Variants in POC1A observed in about 807,000 individuals in gnomAD.
POC1A encodes POC1 centriolar protein homolog A.
A neutral mutation model predicts 47.8 loss-of-function variants in POC1A; 34 were observed. That is an observed-to-expected ratio of 0.71 (90% CI 0.54 to 0.95). The LOEUF is 0.95. POC1A is among the 40% of genes least tolerant of loss of function. The pLI, the probability that POC1A is intolerant of heterozygous loss-of-function variation, is 0.00. For synonymous variants in POC1A, 177 were observed against 207.6 expected (o/e 0.85, Z 1.27); for missense variants, 466 against 528.3 (o/e 0.88, Z 1.16).
At chr3:52,106,775 C>T (rs1703200177) in intron 9 of POC1A, among the ~76,000 whole-genome samples, 1 of 152,212 alleles carries the variant, frequency 6.6e-6, no homozygotes, top group Non-Finnish European at 1.5e-5. Flanking sequence ...AGACTCTGTT[C>T]TCCTCACCCA....
chr3:52,131,927 A>T, intron 7 of POC1A, among the ~76,000 whole-genome samples: 1 of 152,124 alleles, frequency 6.6e-6, no homozygotes, highest in Non-Finnish European at 1.5e-5. Context: ...AGACACCCCC[A>T]TGGACCCGTT....
chr3:52,124,405 G>A (rs1339695069), intron 8 of POC1A, among the ~76,000 whole-genome samples: 3 of 152,214 alleles, frequency 2.0e-5, no homozygotes, highest in African/African-American at 7.2e-5. Context: ...CAAGGCACCA[G>A]GGCTGACAGG....
intron 9 of POC1A, among the ~76,000 whole-genome samples, chr3:52,121,145 G>A (rs1703765503): frequency 6.6e-6 from 1 of 152,206 alleles, no homozygotes; most frequent in African/African-American, 2.4e-5. Context: ...ATGAGATAAG[G>A]AATAAACAGG....
intron 10 of POC1A, among the ~76,000 whole-genome samples, chr3:52,080,767 T>C (rs1338645010): frequency 3.9e-5 from 6 of 152,168 alleles, no homozygotes; most frequent in Non-Finnish European, 8.8e-5. Flanking sequence ...CCCCAAAACA[T>C]GCTGTGGAAC....
chr3:52,136,620 GAAGA>G (rs940298699), intron 7 of POC1A, among the ~76,000 whole-genome samples: 1 of 152,178 alleles, frequency 6.6e-6, no homozygotes, highest in Non-Finnish European at 1.5e-5. Context: ...GTGCCCTGAA[GAAGA>G]AATGACCCAG....
intron 6 of POC1A, among the ~76,000 whole-genome samples, chr3:52,141,932 T>C (rs1294655751): frequency 1.3e-5 from 2 of 152,120 alleles, no homozygotes; most frequent in East Asian, 3.8e-4. Flanking sequence ...CTTGGGACTC[T>C]ATGAGTTCTA....
intron 9 of POC1A, among the ~76,000 whole-genome samples, chr3:52,100,211 GA>G (rs1379865625): frequency 4.6e-5 from 7 of 152,186 alleles, no homozygotes; most frequent in African/African-American, 1.7e-4. Context: ...CAGCTACCCA[GA>G]CACATGAGGA....
At chr3:52,137,588 T>C (rs1191986833) in intron 7 of POC1A, among the ~76,000 whole-genome samples, 1 of 152,030 alleles carries the variant, frequency 6.6e-6, no homozygotes, top group Non-Finnish European at 1.5e-5. Flanking sequence ...GAACTGCATG[T>C]GGCCTACTTC....
intron 10 of POC1A, among the ~76,000 whole-genome samples, chr3:52,087,660 A>T (rs1383026160): frequency 6.6e-6 from 1 of 152,122 alleles, no homozygotes; most frequent in Non-Finnish European, 1.5e-5. Flanking sequence ...TGGCTTAAAA[A>T]CAACTCCTTT....
At chr3:52,150,505 G>A (rs915272928) in intron 2 of POC1A, among the ~76,000 whole-genome samples, 4 of 152,086 alleles carry the variant, frequency 2.6e-5, no homozygotes, top group East Asian at 1.9e-4. Context: ...ACCAGAAAGC[G>A]CAGTCATAAA....
chr3:52,103,744 T>C (rs1034675872), intron 9 of POC1A, among the ~76,000 whole-genome samples: 2 of 152,088 alleles, frequency 1.3e-5, no homozygotes, highest in African/African-American at 4.8e-5. Flanking sequence ...AAGGATGCTC[T>C]ACATCATTAA....
At chr3:52,131,118 T>TCC (rs1326379653) in intron 7 of POC1A, among the ~76,000 whole-genome samples, 2 of 151,954 alleles carry the variant, frequency 1.3e-5, no homozygotes, top group African/African-American at 4.8e-5. Context: ...CAGATTTAAC[T>TCC]CCCCACCCAC....
At chr3:52,077,974 GAA>G (rs1385503889) in intron 10 of POC1A, among the ~76,000 whole-genome samples, 1 of 152,114 alleles carries the variant, frequency 6.6e-6, no homozygotes, top group Non-Finnish European at 1.5e-5. Flanking sequence ...TAAATTATTT[GAA>G]AAGAGAAGCA....
At chr3:52,148,124 C>T (rs1324857155) in intron 4 of POC1A, among the ~76,000 whole-genome samples, 1 of 152,228 alleles carries the variant, frequency 6.6e-6, no homozygotes, top group Non-Finnish European at 1.5e-5. Context: ...CCATCAGTGT[C>T]ATTACTCTGG....
At position 52,090,837 on chromosome 3, in the gene POC1A, G is replaced by T. The variant is rs1249725789; in HGVS notation, c.1125+5732C>A. Among the ~76,000 whole-genome samples the T allele has an allele frequency of 2.6e-5, 4 of 152,062 alleles. No homozygotes were observed. The highest frequency in any genetic ancestry group is 9.7e-5 in the African/African-American group (4 of 41,400). On this transcript the variant is annotated intron_variant, in intron 10 of 10. Coordinates refer to ENST00000296484, the MANE Select transcript of POC1A (RefSeq NM_015426.5). This position sits in a 1 kb window ranked among gnomAD's most constrained non-coding sequence, Gnocchi z 4.2. Reference sequence around the variant, plus strand: ...GTCCGGCCTAGAGTCCTCCAGGGGTGCTCAGAATGGAGGAGCCTGGCCTGG... The same window carrying T: ...GTCCGGCCTAGAGTCCTCCAGGGGTTCTCAGAATGGAGGAGCCTGGCCTGG...
chr3:52,138,646 T>G (rs1218557410), intron 6 of POC1A, among the ~76,000 whole-genome samples: 3 of 152,140 alleles, frequency 2.0e-5, no homozygotes, highest in Non-Finnish European at 4.4e-5. Context: ...CATACAAACA[T>G]AGCCTTTGGT....
In POC1A at chr3:52,078,555, G is replaced by T. The variant is rs534524762; in HGVS notation, c.1126-2570C>A. 2.5e-4 allele frequency among the ~76,000 whole-genome samples: 35 copies of T among 140,832 alleles called. No individual in the cohort carries two copies. In the South Asian group the frequency reaches 7.6e-3, roughly 31 times the overall value. The allele number at this position is 140,832 out of a possible 152,430, so 92.4% of individuals were successfully genotyped here. A position where few individuals can be genotyped will look rare whatever the true frequency, so the allele number is the denominator to read the frequency against. On this transcript the variant is annotated intron_variant, in intron 10 of 10. Coordinates refer to ENST00000296484, the MANE Select transcript of POC1A (RefSeq NM_015426.5). ...AGACTGAGTCTCGTTCTGTCGACCC[G>T]GCTGAAGTGCAGTGGCGCGATCTCG...
At position 52,085,198 on chromosome 3, in the gene POC1A, G is replaced by A. The variant is rs939817740; in HGVS notation, c.1126-9213C>T. 8.5e-5 allele frequency among the ~76,000 whole-genome samples: 13 copies of A among 152,224 alleles called. No individual in the cohort carries two copies. In the East Asian group the frequency reaches 1.7e-3, roughly 20 times the overall value. On this transcript the variant is annotated intron_variant, in intron 10 of 10. Transcript: ENST00000296484. Reference sequence around the variant, plus strand: ...GCAGCCACATCAGGGCTCTGCCCTCGCCAGACTCAGGCAGGCACCCCATCC... The same window carrying A: ...GCAGCCACATCAGGGCTCTGCCCTCACCAGACTCAGGCAGGCACCCCATCC...
In POC1A at chr3:52,145,842, T is replaced by G. The variant is rs1240708271; in HGVS notation, c.679+4A>C. ...TTGGGCCCAGGAGGCTGTTCACCACTCACACTGATAATGCTGCAGCAGCCG... is the reference window on the plus strand; with the variant it reads ...TTGGGCCCAGGAGGCTGTTCACCACGCACACTGATAATGCTGCAGCAGCCG... On this transcript the variant is annotated splice_donor_region_variant and intron_variant, in intron 6 of 10. Transcript: ENST00000296484. The G allele has an allele frequency of 6.2e-7, 1 of 1,602,340 alleles. No individual in the cohort carries two copies. Among genetic ancestry groups the G allele is most frequent in the Admixed American group, 1.7e-5 (1 of 60,010 alleles).
Sources: allele counts gnomAD v4.1 joint callset (sites outside exome capture counted in the v4.1 genomes callset), GRCh38; gene constraint gnomAD v4.1.1; non-coding constraint Gnocchi (gnomAD v3.1); transcripts MANE v1.5; gene names NCBI Gene and HGNC (gene_info 2026-07-23, HGNC 2026-07-21).